SLC25A21: variants seen among roughly 807,000 people sequenced by gnomAD.
The protein encoded by SLC25A21 is solute carrier family 25 member 21, also known as mitochondrial 2-oxodicarboxylate carrier.
Under a neutral mutation model 43.8 loss-of-function variants are expected in SLC25A21, and 47 were observed. That is an observed-to-expected ratio of 1.07 (90% confidence interval 0.85 to 1.37). SLC25A21 has a LOEUF of 1.37. Ranked by LOEUF, SLC25A21 falls within the 40% of genes most tolerant of loss-of-function variation. The pLI is 0.00. For missense variants in SLC25A21, 352 were observed against 350.2 expected, an observed-to-expected ratio of 1.00 and a Z score of -0.04; for synonymous variants, 131 against 121.3, an observed-to-expected ratio of 1.08 and a Z score of -0.52.
At chr14:36,844,654 G>A (rs1889488301) in intron 2 of SLC25A21, among the ~76,000 whole-genome samples, 1 of 152,142 alleles carries the variant, frequency 6.6e-6, no homozygotes, top group Non-Finnish European at 1.5e-5. Flanking sequence ...AACACCCTTT[G>A]TTACCTCCAA....
intron 2 of SLC25A21, among the ~76,000 whole-genome samples, chr14:36,873,390 G>T (rs1275892702): frequency 6.6e-6 from 1 of 152,020 alleles, no homozygotes; most frequent in Non-Finnish European, 1.5e-5. Context: ...CTACCTCCCG[G>T]GTTCAAGTGA....
intron 1 of SLC25A21, among the ~76,000 whole-genome samples, chr14:37,121,449 G>A (rs1002213293): frequency 2.6e-5 from 4 of 152,170 alleles, no homozygotes; most frequent in African/African-American, 7.2e-5. Context: ...AAGTTAACAT[G>A]TGGATACCAG....
chr14:37,145,064 C>T (rs1056965928), intron 1 of SLC25A21, among the ~76,000 whole-genome samples: 1 of 152,112 alleles, frequency 6.6e-6, no homozygotes, highest in African/African-American at 2.4e-5. Flanking sequence ...CAATTCTAAG[C>T]ACTTTACATG....
intron 1 of SLC25A21, among the ~76,000 whole-genome samples, chr14:37,131,734 A>T (rs1963395016): frequency 6.6e-6 from 1 of 152,096 alleles, no homozygotes; most frequent in African/African-American, 2.4e-5. Context: ...GAATGCAGTG[A>T]TGAAAACACA....
chr14:36,964,388 C>T (rs1959566474), intron 1 of SLC25A21, among the ~76,000 whole-genome samples: 1 of 152,202 alleles, frequency 6.6e-6, no homozygotes, highest in Non-Finnish European at 1.5e-5. Context: ...CATGACCATT[C>T]TCTGGGCCAC....
intron 3 of SLC25A21, among the ~76,000 whole-genome samples, chr14:36,794,683 C>T (rs951482593): frequency 6.6e-6 from 1 of 151,554 alleles, no homozygotes; most frequent in Admixed American, 6.6e-5. Flanking sequence ...ACAGGAGAAT[C>T]GCTTGAATCT....
At chr14:36,742,432 C>T (rs1299457202) in intron 3 of SLC25A21, among the ~76,000 whole-genome samples, 1 of 152,158 alleles carries the variant, frequency 6.6e-6, no homozygotes, top group East Asian at 1.9e-4. Flanking sequence ...ACCTTTAGGG[C>T]ATTATTCTGA....
chr14:37,095,820 A>ACACACACACACACACGCGCACG (rs1962681385), intron 1 of SLC25A21, among the ~76,000 whole-genome samples: 1 of 145,648 alleles, frequency 6.9e-6, no homozygotes, highest in Non-Finnish European at 1.5e-5. Flanking sequence ...ACGCGCACGC[A>ACACACACACACACACGCGCACG]CACACACACA....
intron 1 of SLC25A21, among the ~76,000 whole-genome samples, chr14:37,021,460 T>A (rs1434233548): frequency 6.6e-6 from 1 of 152,004 alleles, no homozygotes; most frequent in Admixed American, 6.6e-5. Context: ...ATCAATAATA[T>A]ATTCTATTTT....
intron 1 of SLC25A21, among the ~76,000 whole-genome samples, chr14:37,140,115 T>C (rs940719603): frequency 1.3e-5 from 2 of 152,202 alleles, no homozygotes; most frequent in African/African-American, 4.8e-5. Flanking sequence ...AGTTGGCTGT[T>C]GCAAACTGTA....
intron 1 of SLC25A21, among the ~76,000 whole-genome samples, chr14:36,926,079 A>G (rs868663946): frequency 1.3e-5 from 2 of 152,180 alleles, no homozygotes; most frequent in South Asian, 4.1e-4. Flanking sequence ...TGTACATGAA[A>G]CATTTACCAA....
intron 3 of SLC25A21, among the ~76,000 whole-genome samples, chr14:36,797,006 G>T (rs990814778): frequency 1.3e-5 from 2 of 152,186 alleles, no homozygotes; most frequent in Non-Finnish European, 2.9e-5. Context: ...AGGATCAGGA[G>T]ATGGGTTAAG....
At chr14:36,996,420 T>C (rs547720657) in intron 1 of SLC25A21, among the ~76,000 whole-genome samples, 1 of 152,238 alleles carries the variant, frequency 6.6e-6, no homozygotes, top group African/African-American at 2.4e-5. Context: ...GACGACCAGG[T>C]TTCAAAGCCT....
intron 1 of SLC25A21, among the ~76,000 whole-genome samples, chr14:37,108,455 C>T (rs1368041367): frequency 6.6e-6 from 1 of 152,150 alleles, no homozygotes; most frequent in Non-Finnish European, 1.5e-5. Context: ...CATTATATAA[C>T]ATCCACTTTA....
At chr14:37,141,479 T>C (rs1021481118) in intron 1 of SLC25A21, among the ~76,000 whole-genome samples, 1 of 152,160 alleles carries the variant, frequency 6.6e-6, no homozygotes, top group Admixed American at 6.5e-5. Flanking sequence ...GAATTGTCTA[T>C]GATTATTTCT....
chr14:37,120,375 T>C (rs559532201), intron 1 of SLC25A21, among the ~76,000 whole-genome samples: 176 of 152,358 alleles, frequency 1.2e-3, no homozygotes, highest in Non-Finnish European at 2.0e-3. Flanking sequence ...AAAGTTACTA[T>C]TAATGTGTTG....
At chr14:37,121,848 G>A (rs1963214679) in intron 1 of SLC25A21, among the ~76,000 whole-genome samples, 1 of 152,022 alleles carries the variant, frequency 6.6e-6, no homozygotes, top group African/African-American at 2.4e-5. Flanking sequence ...CCATGAGTGG[G>A]GAATTCACGC....
At chr14:36,770,826 C>T (rs1393695929) in intron 3 of SLC25A21, among the ~76,000 whole-genome samples, 1 of 152,178 alleles carries the variant, frequency 6.6e-6, no homozygotes, top group Non-Finnish European at 1.5e-5. Context: ...TGTGTATAAT[C>T]AGTCTTAAAA....
At chr14:36,952,295 T>G (rs997121790) in intron 1 of SLC25A21, 2 of 153,900 alleles carry the variant, frequency 1.3e-5, no homozygotes, top group Non-Finnish European at 2.9e-5. Flanking sequence ...TTGTCTTCTT[T>G]CCTTTGGTTT....
Sources: allele counts gnomAD v4.1 joint callset (sites outside exome capture counted in the v4.1 genomes callset), GRCh38; gene constraint gnomAD v4.1.1; transcripts MANE v1.5; gene names NCBI Gene and HGNC (gene_info 2026-07-23, HGNC 2026-07-21).